LRRC4C: variants seen among roughly 807,000 people sequenced by gnomAD.
LRRC4C encodes the protein leucine rich repeat containing 4C.
LRRC4C carries 5 observed loss-of-function variants against 33.6 expected under a neutral mutation model. The observed-to-expected ratio is 0.15, with a 90% CI of 0.08 to 0.31. The LOEUF is 0.31. Among genes scored for constraint, LRRC4C ranks in the 10% least tolerant of loss-of-function variants. The probability of loss-of-function intolerance (pLI) is 1.00; values close to 1 mark genes in which losing one functional copy is unlikely to be tolerated. For synonymous variants in LRRC4C, 329 were observed against 302.0 expected (o/e 1.09, Z -0.93); for missense variants, 560 against 796.7 (o/e 0.70, Z 3.58).
At position 41,123,256 on chromosome 11, in the gene LRRC4C, GTTTTGTTTTTTTTTTTT is replaced by G. The variant is rs1394185713; in HGVS notation, c.-495-189550_-495-189534del. Among the ~76,000 whole-genome samples, 127 of 107,146 alleles carry G rather than the reference GTTTTGTTTTTTTTTTTT, an allele frequency of 1.2e-3. 3 individuals are homozygous for G. Among genetic ancestry groups the G allele is most frequent in the African/African-American group, 3.8e-3 (97 of 25,350 alleles). The allele number at this position is 107,146 out of a possible 152,430, so 70.3% of individuals were successfully genotyped here. ...AAATGCTTTCTCTATCCTGAGCTAT[GTTTTGTTTTTTTTTTTT>G]TTTTTTTTTTTTTTTTTGAGACGGA... On this transcript the variant is annotated intron_variant, in intron 1 of 6. Coordinates refer to ENST00000528697, the MANE Select transcript of LRRC4C (RefSeq NM_001258419.2).
rs1021302878 is a variant in LRRC4C at position 40,687,402 on chromosome 11, TTAGA to T, written c.-406-39128_-406-39125del. Among the ~76,000 whole-genome samples the T allele has an allele frequency of 8.5e-5, 13 of 152,058 alleles. No homozygotes were observed. The East Asian group carries it at 1.3e-3, about 16-fold the overall frequency. On this transcript the variant is annotated intron_variant, in intron 2 of 6. Transcript: ENST00000528697. ...GTGTATGTGTGTGTATATCTATCTA[TTAGA>T]TAGATAGATAGATCGATCCTCTTTT... is the stretch of plus-strand genomic sequence containing the variant.
chr11:41,398,188 T>C (rs1565641188), intron 1 of LRRC4C, among the ~76,000 whole-genome samples: 1 of 152,016 alleles, frequency 6.6e-6, no homozygotes, highest in South Asian at 2.1e-4. Context: ...TCTTTTCTAC[T>C]GCCTCAGGGG....
chr11:40,739,649 C>T (rs552025849), intron 2 of LRRC4C, among the ~76,000 whole-genome samples: 1 of 151,982 alleles, frequency 6.6e-6, no homozygotes, highest in African/African-American at 2.4e-5. Context: ...GCGGTTTCCC[C>T]CATGCTGTTC....
chr11:40,547,902 C>T (rs1316459238), intron 3 of LRRC4C, among the ~76,000 whole-genome samples: 3 of 152,066 alleles, frequency 2.0e-5, no homozygotes, highest in East Asian at 1.9e-4. Context: ...GCATCTACTA[C>T]GTGCCAGACA....
At chr11:40,877,779 A>G (rs1374068055) in intron 2 of LRRC4C, among the ~76,000 whole-genome samples, 1 of 152,166 alleles carries the variant, frequency 6.6e-6, no homozygotes, top group Non-Finnish European at 1.5e-5. Context: ...CAACAACAAC[A>G]ACAAACTCCA....
chr11:40,632,277 G>A (rs1191611179), intron 3 of LRRC4C, among the ~76,000 whole-genome samples: 2 of 152,182 alleles, frequency 1.3e-5, no homozygotes, highest in East Asian at 3.9e-4. Flanking sequence ...CTTTGGGACT[G>A]GAGACATATC....
chr11:40,575,133 A>G (rs1222301528), intron 3 of LRRC4C, among the ~76,000 whole-genome samples: 1 of 152,196 alleles, frequency 6.6e-6, no homozygotes, highest in Non-Finnish European at 1.5e-5. Flanking sequence ...ACTATGATAG[A>G]AAAAAGCAAA....
intron 5 of LRRC4C, among the ~76,000 whole-genome samples, chr11:40,196,285 G>A (rs1862254382): frequency 6.6e-6 from 1 of 152,118 alleles, no homozygotes; most frequent in Non-Finnish European, 1.5e-5. Context: ...AAAACCTCAG[G>A]GAACAGATAT....
chr11:40,566,912 G>T (rs1277331690), intron 3 of LRRC4C, among the ~76,000 whole-genome samples: 3 of 152,058 alleles, frequency 2.0e-5, no homozygotes, highest in African/African-American at 7.2e-5. Flanking sequence ...ATTAGCCTAG[G>T]TATTAAATGT....
chr11:40,572,588 T>C (rs1958026555), intron 3 of LRRC4C, among the ~76,000 whole-genome samples: 2 of 152,140 alleles, frequency 1.3e-5, no homozygotes, highest in African/African-American at 4.8e-5. Flanking sequence ...CAGGAGCACA[T>C]GTATCAGAAG....
At chr11:40,342,849 T>C (rs1303139549) in intron 3 of LRRC4C, among the ~76,000 whole-genome samples, 3 of 152,154 alleles carry the variant, frequency 2.0e-5, no homozygotes, top group African/African-American at 7.2e-5. Flanking sequence ...AATTTTCCTT[T>C]ATATCTATCT....
chr11:40,836,059 G>T (rs1369625700), intron 2 of LRRC4C, among the ~76,000 whole-genome samples: 1 of 152,094 alleles, frequency 6.6e-6, no homozygotes, highest in African/African-American at 2.4e-5. Context: ...AAGAAAAATT[G>T]AATAATCTAA....
chr11:41,403,119 A>G (rs536185807), intron 1 of LRRC4C, among the ~76,000 whole-genome samples: 1 of 152,106 alleles, frequency 6.6e-6, no homozygotes, highest in Admixed American at 6.6e-5. Context: ...GGTTCACTTA[A>G]GCCAGATAAT....
At chr11:40,996,236 C>G (rs745940986) in intron 1 of LRRC4C, among the ~76,000 whole-genome samples, 14 of 152,106 alleles carry the variant, frequency 9.2e-5, no homozygotes, top group Non-Finnish European at 1.8e-4. Flanking sequence ...GGCTGGGTAG[C>G]AGACTTACTT....
intron 2 of LRRC4C, among the ~76,000 whole-genome samples, chr11:40,828,923 T>A (rs1031757416): frequency 2.6e-5 from 4 of 151,990 alleles, no homozygotes; most frequent in Non-Finnish European, 4.4e-5. Context: ...TTATTTAAAA[T>A]CTTTTTTCTA....
chr11:40,547,766 T>C (rs1396725875), intron 3 of LRRC4C, among the ~76,000 whole-genome samples: 1 of 152,112 alleles, frequency 6.6e-6, no homozygotes, highest in African/African-American at 2.4e-5. Flanking sequence ...TCTCACCTAC[T>C]GAGATACGAA....
intron 2 of LRRC4C, among the ~76,000 whole-genome samples, chr11:40,790,867 T>C (rs1023792382): frequency 6.6e-6 from 1 of 152,174 alleles, no homozygotes; most frequent in African/African-American, 2.4e-5. Flanking sequence ...CTTAAAAATA[T>C]TTTTGTTTCT....
intron 1 of LRRC4C, among the ~76,000 whole-genome samples, chr11:41,241,989 C>A (rs1948269341): frequency 6.6e-6 from 1 of 152,196 alleles, no homozygotes; most frequent in African/African-American, 2.4e-5. Context: ...TCATCATTTT[C>A]TTTGCTTAAG....
At chr11:40,633,773 T>C (rs1424226051) in intron 3 of LRRC4C, among the ~76,000 whole-genome samples, 1 of 152,180 alleles carries the variant, frequency 6.6e-6, no homozygotes, top group African/African-American at 2.4e-5. Flanking sequence ...ATAATGTACA[T>C]TATTTTAGGG....
Sources: allele counts gnomAD v4.1 joint callset (sites outside exome capture counted in the v4.1 genomes callset), GRCh38; gene constraint gnomAD v4.1.1; transcripts MANE v1.5; gene names NCBI Gene and HGNC (gene_info 2026-07-23, HGNC 2026-07-21).